The following ALDH1L1 variants were observed in gnomAD, a reference collection of about 807,000 sequenced individuals.
ALDH1L1 encodes the protein aldehyde dehydrogenase 1 family member L1, also known as cytosolic 10-formyltetrahydrofolate dehydrogenase.
Under a neutral mutation model 101.1 loss-of-function variants are expected in ALDH1L1, and 68 were observed. That is an observed-to-expected ratio of 0.67 (90% CI 0.55 to 0.82). The LOEUF is 0.82. ALDH1L1 is among the 40% of genes least tolerant of loss of function. ALDH1L1 has a pLI of 0.00. For synonymous variants in ALDH1L1, 486 were observed against 470.8 expected (o/e 1.03, Z -0.42); for missense variants, 1,087 against 1,172.7 (o/e 0.93, Z 1.07).
intron 8 of ALDH1L1, among the ~76,000 whole-genome samples, 190 bp downstream of exon 8, chr3:126,150,216 T>C (rs1366069906): frequency 6.6e-6 from 1 of 152,210 alleles, no homozygotes; most frequent in Non-Finnish European, 1.5e-5. Flanking sequence ...AGGGCCCCAG[T>C]TGCAGAGGAA....
chr3:126,170,559 T>A (rs974245507), intron 1 of ALDH1L1, among the ~76,000 whole-genome samples: 1 of 152,100 alleles, frequency 6.6e-6, no homozygotes, highest in African/African-American at 2.4e-5. Context: ...GACAGAATCA[T>A]GGCCATTTCG....
intron 13 of ALDH1L1, among the ~76,000 whole-genome samples, chr3:126,130,594 C>G (rs1022244133): frequency 2.0e-5 from 3 of 152,236 alleles, no homozygotes; most frequent in African/African-American, 7.2e-5. Context: ...CTCCCCACAG[C>G]TCTAAGCAGT....
intron 1 of ALDH1L1, among the ~76,000 whole-genome samples, chr3:126,177,660 C>T (rs1333392263): frequency 1.3e-5 from 2 of 152,116 alleles, no homozygotes; most frequent in African/African-American, 4.8e-5. Flanking sequence ...TTGTCCAAAA[C>T]CATAGAAGGT....
At chr3:126,124,551 G>T in intron 15 of ALDH1L1, 100 bp from the exon 16 acceptor site, 4 of 951,178 alleles carry the variant, frequency 4.2e-6, no homozygotes, top group Non-Finnish European at 6.4e-6. Context: ...CCAGCAGCAA[G>T]CTGGGAGAGT....
chr3:126,158,925 G>T (rs567906485), intron 2 of ALDH1L1, among the ~76,000 whole-genome samples: 2 of 152,120 alleles, frequency 1.3e-5, no homozygotes, highest in South Asian at 4.2e-4. Context: ...CTCTCCTGAG[G>T]CCTTGCCATC....
At chr3:126,140,528 G>A (rs915155085) in intron 9 of ALDH1L1, among the ~76,000 whole-genome samples, 2 of 151,942 alleles carry the variant, frequency 1.3e-5, no homozygotes, top group Non-Finnish European at 2.9e-5. Context: ...ATTTTATTGT[G>A]GTTTGTAACT....
At chr3:126,163,680 T>G (rs1433279792) in intron 1 of ALDH1L1, among the ~76,000 whole-genome samples, 1 of 152,220 alleles carries the variant, frequency 6.6e-6, no homozygotes, top group Non-Finnish European at 1.5e-5. Flanking sequence ...CATGAGATTT[T>G]TATTTTATTG....
At chr3:126,112,139 C>T (rs576140644) in intron 19 of ALDH1L1, among the ~76,000 whole-genome samples, 14 of 152,314 alleles carry the variant, frequency 9.2e-5, no homozygotes, top group South Asian at 2.1e-4. Context: ...CCATCTGTCC[C>T]GAGGCCAGCA....
At chr3:126,162,093 T>C (rs1006460827) in intron 1 of ALDH1L1, among the ~76,000 whole-genome samples, 5 of 152,232 alleles carry the variant, frequency 3.3e-5, no homozygotes, top group Non-Finnish European at 7.3e-5. Flanking sequence ...GGATGACCTC[T>C]AGTTCATTTA....
chr3:126,181,005 C>T, upstream of ALDH1L1: 2 of 1,606,672 alleles, frequency 1.2e-6, no homozygotes, highest in Middle Eastern at 1.7e-4. Flanking sequence ...GAGACGCTGC[C>T]CTCCGGGAAT....
chr3:126,153,564 G>T lies in ALDH1L1; in HGVS notation c.738C>A (p.Asn246Lys). 6.2e-7 allele frequency: 1 copy of T among 1,612,068 alleles called. No homozygotes were observed. Among genetic ancestry groups the T allele is most frequent in the Non-Finnish European group, 8.5e-7 (1 of 1,178,928 alleles). Residue 246 changes from asparagine (N) to lysine (K), a missense_variant, in exon 7 of 23, where the codon AAC (asparagine) becomes AAA (lysine). By Grantham distance (94) the Asn-to-Lys change is moderately conservative. Around this residue, in one of 2 missense-constraint regions of ALDH1L1, gnomAD observed 645 missense variants for 637.0 expected, o/e 1.01. Coordinates refer to ENST00000393434, the MANE Select transcript of ALDH1L1 (RefSeq NM_012190.4). ...EACEQKLTFF[N>K]STLNTSGLVP... is the part of the protein sequence containing the mutation. Reference sequence around the variant, plus strand: ...CCAGGCCTGAAGTGTTCAGCGTTGAGTTGAAAAATGTCAGTTTCTGTCAAG... The same window carrying T: ...CCAGGCCTGAAGTGTTCAGCGTTGATTTGAAAAATGTCAGTTTCTGTCAAG...
At chr3:126,134,089 C>T (rs1026484277) in intron 12 of ALDH1L1, among the ~76,000 whole-genome samples, 8 of 152,168 alleles carry the variant, frequency 5.3e-5, no homozygotes, top group African/African-American at 7.2e-5. Flanking sequence ...ACGGTGGTCC[C>T]GCCACCCTGA....
At chr3:126,110,185 C>A in intron 19 of ALDH1L1, 76 bp from the exon 20 acceptor site, 1 of 1,563,374 alleles carries the variant, frequency 6.4e-7, no homozygotes, top group South Asian at 1.2e-5. Flanking sequence ...TGACTCAGCT[C>A]TCATGGCTGA....
chr3:126,135,501 G>T, intron 12 of ALDH1L1, 34 bp downstream of exon 12: 1 of 1,593,872 alleles, frequency 6.3e-7, no homozygotes. Context: ...AGCTGATGGT[G>T]GCAGTGGCTG....
chr3:126,186,145 C>G (rs1414209430), upstream of ALDH1L1, among the ~76,000 whole-genome samples: 1 of 152,162 alleles, frequency 6.6e-6, no homozygotes, highest in Non-Finnish European at 1.5e-5. Flanking sequence ...AAAAACATAG[C>G]ACTGTGCACT....
chr3:126,135,468 TC>T (rs3216713), intron 12 of ALDH1L1, 66 bp downstream of exon 12: 622,351 of 1,557,992 alleles, frequency 0.4, 125,852 homozygotes, highest in Middle Eastern at 0.52. Flanking sequence ...TCCACAGAAG[TC>T]CCCCCCGTGC....
chr3:126,127,701 G>A (rs1373260466), intron 14 of ALDH1L1, among the ~76,000 whole-genome samples: 3 of 152,212 alleles, frequency 2.0e-5, no homozygotes, highest in African/African-American at 7.2e-5. Flanking sequence ...GGCCAGGGGA[G>A]GAGATGGGCA....
chr3:126,106,321 T>C (rs1479111688), intron 21 of ALDH1L1, among the ~76,000 whole-genome samples: 2 of 152,242 alleles, frequency 1.3e-5, no homozygotes, highest in Non-Finnish European at 2.9e-5. Context: ...GTGAAGTCTC[T>C]TATTCTAATA....
chr3:126,151,055 T>C (rs1474822424), intron 7 of ALDH1L1: 3 of 152,530 alleles, frequency 2.0e-5, no homozygotes, highest in East Asian at 1.9e-4. Context: ...AGAGCTTGTG[T>C]CCCCTACCAG....
Sources: gnomAD v4.1 joint callset for allele counts (sites outside exome capture counted in the v4.1 genomes callset) on GRCh38, gnomAD v4.1.1 for gene constraint, gnomAD v4.1.1 regional missense constraint, MANE v1.5 for transcripts, NCBI Gene and HGNC (gene_info 2026-07-23, HGNC 2026-07-21) for gene names.